Variants in TBC1D30 observed in about 807,000 individuals in gnomAD.
TBC1D30 encodes TBC1 domain family, member 30.
Under a neutral mutation model 63.2 loss-of-function variants are expected in TBC1D30, and 31 were observed. That is an observed-to-expected ratio of 0.49 (90% CI 0.37 to 0.66). The LOEUF is 0.66. TBC1D30 is among the 30% of genes least tolerant of loss of function. The probability of loss-of-function intolerance (pLI) is 0.00; values close to 1 mark genes in which losing one functional copy is unlikely to be tolerated. For synonymous variants in TBC1D30, 307 were observed against 361.5 expected (o/e 0.85, Z 1.71); for missense variants, 810 against 953.6 (o/e 0.85, Z 1.98).
At position 64,775,149 on chromosome 12, in the gene TBC1D30, G is replaced by C. The variant is rs1871037286; in HGVS notation, c.-375-10732G>C. On this transcript the variant is annotated intron_variant, in intron 1 of 13. Transcript: ENST00000674237. ...GATATAGATATATATGGAAGGAAAA[G>C]ACTGTTACTAGCCACTGCAAAAACA... 2.0e-5 allele frequency among the ~76,000 whole-genome samples: 3 copies of C among 150,800 alleles called. No individual in the cohort carries two copies. The South Asian group carries it at 6.2e-4, about 31-fold the overall frequency.
intron 2 of TBC1D30, among the ~76,000 whole-genome samples, chr12:64,809,420 G>C (rs894267263): frequency 1.3e-5 from 2 of 152,130 alleles, no homozygotes; most frequent in South Asian, 4.1e-4. Flanking sequence ...TGCTGCAAAT[G>C]CCATTATTTC....
intron 2 of TBC1D30, among the ~76,000 whole-genome samples, chr12:64,801,341 C>G (rs534365062): frequency 6.6e-6 from 1 of 152,006 alleles, no homozygotes; most frequent in Non-Finnish European, 1.5e-5. Context: ...CATGTGTGTG[C>G]ACACATGAAG....
chr12:64,782,513 C>G (rs1013562726), intron 1 of TBC1D30, among the ~76,000 whole-genome samples: 6 of 152,194 alleles, frequency 3.9e-5, no homozygotes, highest in Non-Finnish European at 7.3e-5. Flanking sequence ...CTCAGAGTGT[C>G]TGTGTATGCC....
At chr12:64,802,646 C>G (rs1201059065) in intron 2 of TBC1D30, among the ~76,000 whole-genome samples, 1 of 152,062 alleles carries the variant, frequency 6.6e-6, no homozygotes, top group East Asian at 1.9e-4. Context: ...ATCCCTCCCC[C>G]GTCCCCCACC....
chr12:64,802,441 G>T (rs946051319), intron 2 of TBC1D30, among the ~76,000 whole-genome samples: 6 of 151,948 alleles, frequency 3.9e-5, no homozygotes, highest in Non-Finnish European at 1.5e-5. Context: ...TACCTGGGAC[G>T]ACTCTTCCTG....
intron 2 of TBC1D30, among the ~76,000 whole-genome samples, 199 bp from the exon 3 acceptor site, chr12:64,828,245 T>A (rs934090353): frequency 1.3e-5 from 2 of 152,212 alleles, no homozygotes; most frequent in Non-Finnish European, 2.9e-5. Context: ...ACAGATGTGT[T>A]AAGGGTGCCC....
At chr12:64,794,873 A>G (rs1243621697) in intron 2 of TBC1D30, among the ~76,000 whole-genome samples, 2 of 152,126 alleles carry the variant, frequency 1.3e-5, no homozygotes, top group Admixed American at 6.5e-5. Flanking sequence ...TTTCTTTTAT[A>G]TGGTATCCTG....
intron 2 of TBC1D30, among the ~76,000 whole-genome samples, chr12:64,812,203 A>G (rs1050945400): frequency 6.6e-5 from 10 of 152,008 alleles, no homozygotes; most frequent in Admixed American, 6.6e-5. Flanking sequence ...TTTTTTTCCT[A>G]TGCCTAGGAA....
upstream of TBC1D30, among the ~76,000 whole-genome samples, chr12:64,778,011 C>T (rs1871132259): frequency 6.6e-6 from 1 of 152,176 alleles, no homozygotes; most frequent in South Asian, 2.1e-4. Context: ...ATCCACCTGC[C>T]TTGGCCTCCT....
chr12:64,769,424 G>C (rs1184383109), intron 1 of TBC1D30, among the ~76,000 whole-genome samples: 1 of 150,872 alleles, frequency 6.6e-6, no homozygotes, highest in Non-Finnish European at 1.5e-5. Flanking sequence ...GTTGCCCAGG[G>C]TGGAGTGCAG....
chr12:64,873,557 G>A (rs1217152731), intron 11 of TBC1D30, among the ~76,000 whole-genome samples: 1 of 152,124 alleles, frequency 6.6e-6, no homozygotes, highest in African/African-American at 2.4e-5. Flanking sequence ...AGACACATGA[G>A]GGGTTGTGAG....
At chr12:64,845,043 A>G (rs1876239539) in intron 8 of TBC1D30, among the ~76,000 whole-genome samples, 1 of 152,088 alleles carries the variant, frequency 6.6e-6, no homozygotes, top group Admixed American at 6.5e-5. Context: ...GTTGCTTCCA[A>G]TTCTTGGCTA....
chr12:64,760,829 C>CAA (rs35870571), intron 1 of TBC1D30, among the ~76,000 whole-genome samples: 209 of 143,462 alleles, frequency 1.5e-3, no homozygotes, highest in African/African-American at 2.9e-3. Flanking sequence ...AGGGCTTATG[C>CAA]AAAAAAAAAA....
chr12:64,762,224 C>G (rs1259315900), intron 1 of TBC1D30, among the ~76,000 whole-genome samples: 2 of 152,120 alleles, frequency 1.3e-5, no homozygotes, highest in African/African-American at 4.8e-5. Flanking sequence ...ATTGCAATAA[C>G]TAAAAGAAGC....
rs902131683 is a variant in TBC1D30, at chr12:64,847,893, C to G, written c.1038+4408C>G. Among the ~76,000 whole-genome samples the G allele has an allele frequency of 1.9e-4, 29 of 151,472 alleles. 1 individual carries two copies. The highest frequency in any genetic ancestry group is 7.0e-4 in the African/African-American group (29 of 41,344). ...AATGTTCTGTAAATATCTACTAGGT[C>G]CATTTGTTCTATAGTACAGATTAAA... On this transcript the variant is annotated intron_variant, in intron 8 of 11. Coordinates refer to ENST00000539867, the MANE Select transcript of TBC1D30 (RefSeq NM_015279.2).
At chr12:64,760,661 A>G (rs939454799) in intron 1 of TBC1D30, among the ~76,000 whole-genome samples, 4 of 151,948 alleles carry the variant, frequency 2.6e-5, no homozygotes, top group African/African-American at 9.7e-5. Flanking sequence ...TGGTAAAAGT[A>G]TTTTCTCTGA....
At position 64,876,655 on chromosome 12, in the gene TBC1D30, G is replaced by C. The variant is rs892453467; in HGVS notation, c.*867G>C. On this transcript the variant is annotated 3_prime_UTR_variant, in exon 12 of 12. Transcript: ENST00000539867. ...ACAGCTCACTCACCCACCAGCTCTA[G>C]ACTGCAGACGCACAAGGCCTCTGCT... 3 of 397,802 alleles carry C rather than the reference G, an allele frequency of 7.5e-6. No individual in the cohort carries two copies. The highest frequency in any genetic ancestry group is 5.6e-5 in the South Asian group (3 of 53,484). The allele number at this position is 397,802 out of a possible 1,614,324, so 24.6% of individuals were successfully genotyped here. A position where few individuals can be genotyped will look rare whatever the true frequency, so the allele number is the denominator to read the frequency against.
chr12:64,824,175 C>G (rs1342163883), upstream of TBC1D30, among the ~76,000 whole-genome samples: 2 of 151,800 alleles, frequency 1.3e-5, no homozygotes, highest in Non-Finnish European at 2.9e-5. Context: ...GAAAAGAGAA[C>G]ACTTTTTTTC....
chr12:64,791,758 A>AGG lies in TBC1D30; in HGVS notation c.643+5717_643+5718dup. ...TATTTTTGTAGAGATGGAGGCATGG[A>AGG]GGGGGTGGTGGGGGAAGGTCTTGCT... On this transcript the variant is annotated intron_variant, in intron 2 of 12. Coordinates refer to the TBC1D30 transcript ENST00000542120. 4.1e-5 allele frequency among the ~76,000 whole-genome samples: 6 copies of AGG among 146,992 alleles called. 1 individual carries two copies. The Middle Eastern group carries it at 0.017, about 422-fold the overall frequency.
Sources: allele counts gnomAD v4.1 joint callset (sites outside exome capture counted in the v4.1 genomes callset), GRCh38; gene constraint gnomAD v4.1.1; transcripts MANE v1.5; gene names NCBI Gene and HGNC (gene_info 2026-07-23, HGNC 2026-07-21).